Variants in NHSL1 observed in about 807,000 individuals in gnomAD.
The protein encoded by NHSL1 is NHS like 1.
In NHSL1, 48 loss-of-function variants were observed where a neutral mutation model predicts 95.0. That is an observed-to-expected ratio of 0.51 (90% CI 0.40 to 0.64). The LOEUF is 0.64. Among genes scored for constraint, NHSL1 ranks in the 30% least tolerant of loss-of-function variants. NHSL1 has a pLI of 0.00. For synonymous variants in NHSL1, 783 were observed against 833.9 expected (o/e 0.94, Z 1.05); for missense variants, 1,971 against 2,077.7 (o/e 0.95, Z 1.00).
At chr6:138,540,998 T>C (rs555214189) in intron 1 of NHSL1, among the ~76,000 whole-genome samples, 1 of 152,292 alleles carries the variant, frequency 6.6e-6, no homozygotes, top group East Asian at 1.9e-4. Context: ...GAACTTGAGG[T>C]CTGTGATGCT....
At chr6:138,523,181 T>G (rs1180828013) in intron 1 of NHSL1, among the ~76,000 whole-genome samples, 1 of 152,126 alleles carries the variant, frequency 6.6e-6, no homozygotes, top group Non-Finnish European at 1.5e-5. Flanking sequence ...AATAAAGTTT[T>G]GCGGCACACC....
chr6:138,458,824 G>C (rs1402104103), intron 3 of NHSL1, among the ~76,000 whole-genome samples: 1 of 90,414 alleles, frequency 1.1e-5, no homozygotes, highest in African/African-American at 5.9e-5. Context: ...GTGAAAATCT[G>C]TCTCAAAAAA....
intron 1 of NHSL1, among the ~76,000 whole-genome samples, chr6:138,688,335 A>G (rs1389398967): frequency 6.7e-6 from 1 of 149,846 alleles, no homozygotes; most frequent in East Asian, 1.9e-4. Context: ...AGAAAACCCA[A>G]TCACACAGGG....
intron 1 of NHSL1, among the ~76,000 whole-genome samples, chr6:138,601,824 A>G (rs1216658783): frequency 2.6e-5 from 4 of 152,358 alleles, no homozygotes; most frequent in Non-Finnish European, 5.9e-5. Flanking sequence ...AAAGAAAAAA[A>G]AAGTTTTTCT....
At chr6:138,487,741 C>A (rs1379774864) in intron 2 of NHSL1, among the ~76,000 whole-genome samples, 2 of 152,198 alleles carry the variant, frequency 1.3e-5, no homozygotes, top group African/African-American at 2.4e-5. Flanking sequence ...ACTGACAACA[C>A]TGCAACCAGA....
At chr6:138,671,741 C>G (rs1472054523) in intron 1 of NHSL1, among the ~76,000 whole-genome samples, 1 of 152,064 alleles carries the variant, frequency 6.6e-6, no homozygotes, top group Non-Finnish European at 1.5e-5. Flanking sequence ...CAACAATAAA[C>G]ACATAGAAAT....
Position 138,424,873 on chromosome 6 carries a change from G to A in NHSL1, c.4086-57C>T, listed in dbSNP as rs968057165. 1.4e-6 allele frequency: 2 copies of A among 1,388,018 alleles called. No individual in the cohort carries two copies. Among genetic ancestry groups the A allele is most frequent in the East Asian group, 5.0e-5 (2 of 39,942 alleles). The allele number at this position is 1,388,018 out of a possible 1,614,324, so 86.0% of individuals were successfully genotyped here. ...ATTCCCACGGGACCACAGGCTGTCA[G>A]CCACAACCACTCTGCTCTTATCGCA... is the stretch of plus-strand genomic sequence containing the variant. On this transcript the variant is annotated intron_variant, in intron 7 of 7. Coordinates refer to ENST00000343505, the MANE Select transcript of NHSL1 (RefSeq NM_001144060.2). This position sits in a 1 kb window ranked among gnomAD's most constrained non-coding sequence, Gnocchi z 5.9.
chr6:138,630,175 C>G (rs1049758696), intron 1 of NHSL1, among the ~76,000 whole-genome samples: 1 of 151,900 alleles, frequency 6.6e-6, no homozygotes, highest in East Asian at 1.9e-4. Flanking sequence ...TGCTGCAGCT[C>G]CAGCCTGAGC....
At chr6:138,534,048 C>CA (rs933077570) in intron 1 of NHSL1, among the ~76,000 whole-genome samples, 3 of 152,116 alleles carry the variant, frequency 2.0e-5, no homozygotes, top group African/African-American at 7.2e-5. Flanking sequence ...TGAGTTGCTA[C>CA]AAAAAATGAA....
chr6:138,621,888 A>T (rs1484003459), intron 1 of NHSL1, among the ~76,000 whole-genome samples: 1 of 152,232 alleles, frequency 6.6e-6, no homozygotes, highest in African/African-American at 2.4e-5. Flanking sequence ...AGGCAGCACT[A>T]GGTCCAGATC....
intron 3 of NHSL1, among the ~76,000 whole-genome samples, chr6:138,454,205 G>A (rs915856243): frequency 2.0e-5 from 3 of 151,768 alleles, no homozygotes; most frequent in Non-Finnish European, 2.9e-5. Flanking sequence ...GTGTGTGTGC[G>A]TGCGTGCATA....
chr6:138,530,740 T>C (rs961958950), intron 1 of NHSL1, among the ~76,000 whole-genome samples: 5 of 152,180 alleles, frequency 3.3e-5, no homozygotes, highest in Non-Finnish European at 7.3e-5. Flanking sequence ...AGTTACCAAA[T>C]ATAGTGATAT....
chr6:138,575,864 C>A (rs190828236), upstream of NHSL1, among the ~76,000 whole-genome samples: 2 of 152,340 alleles, frequency 1.3e-5, no homozygotes, highest in East Asian at 3.9e-4. Flanking sequence ...TACAAATCAG[C>A]CCCTCCTGGC....
Position 138,551,809 on chromosome 6 carries a change from C to T in NHSL1, c.202+19901G>A, listed in dbSNP as rs765165855. On this transcript the variant is annotated intron_variant, in intron 1 of 6. Transcript: ENST00000427025. The stretch of plus-strand genomic sequence containing the variant: ...TCTGTAGGCAGGGGAATATGGAACG[C>T]GGGTTTTTGCTCTGGACACTGCCTC... Among the ~76,000 whole-genome samples the T allele has an allele frequency of 5.3e-5, 8 of 152,140 alleles. No individual in the cohort carries two copies. The East Asian group carries it at 7.7e-4, about 15-fold the overall frequency.
intron 1 of NHSL1, among the ~76,000 whole-genome samples, chr6:138,542,229 G>A (rs541867196): frequency 6.6e-6 from 1 of 152,308 alleles, no homozygotes; most frequent in South Asian, 2.1e-4. Flanking sequence ...GAAATGCCTG[G>A]AGCCATCAGG....
intron 1 of NHSL1, among the ~76,000 whole-genome samples, chr6:138,600,152 A>T (rs1011486789): frequency 6.6e-5 from 10 of 152,200 alleles, no homozygotes; most frequent in African/African-American, 1.2e-4. Context: ...TCAAAAAAAA[A>T]ATATTAATTA....
At chr6:138,489,264 T>G (rs555963242) in intron 2 of NHSL1, among the ~76,000 whole-genome samples, 1 of 152,218 alleles carries the variant, frequency 6.6e-6, no homozygotes, top group Non-Finnish European at 1.5e-5. Flanking sequence ...GGCAGGTACA[T>G]TGAGATATTA....
At chr6:138,488,767 G>A (rs906654534) in intron 2 of NHSL1, among the ~76,000 whole-genome samples, 1 of 152,158 alleles carries the variant, frequency 6.6e-6, no homozygotes, top group Admixed American at 6.5e-5. Context: ...TTGTCCCTGT[G>A]AACTTCCATA....
chr6:138,518,949 C>G (rs146687513), intron 1 of NHSL1, among the ~76,000 whole-genome samples: 2 of 152,156 alleles, frequency 1.3e-5, no homozygotes, highest in South Asian at 4.1e-4. Flanking sequence ...ACCGGGGAGG[C>G]GGAGGATGCA....
Sources: gnomAD v4.1 joint callset for allele counts (sites outside exome capture counted in the v4.1 genomes callset) on GRCh38, gnomAD v4.1.1 for gene constraint, Gnocchi (gnomAD v3.1) non-coding constraint, MANE v1.5 for transcripts, NCBI Gene and HGNC (gene_info 2026-07-23, HGNC 2026-07-21) for gene names.